WNT2B: variants seen among roughly 807,000 people sequenced by gnomAD.
The protein encoded by WNT2B is Wnt family member 2B.
Under a neutral mutation model 40.5 loss-of-function variants are expected in WNT2B, and 19 were observed. The ratio of observed to expected loss-of-function variants is 0.47; its 90% CI spans 0.33 to 0.69. WNT2B has a LOEUF of 0.69. Among genes scored for constraint, WNT2B ranks in the 30% least tolerant of loss-of-function variants. The pLI is 0.02. For missense variants in WNT2B, 467 were observed against 556.4 expected (o/e 0.84, Z 1.62); for synonymous variants, 220 against 211.9 (o/e 1.04, Z -0.33).
upstream of WNT2B, among the ~76,000 whole-genome samples, chr1:112,507,317 G>T (rs1652137989): frequency 6.6e-6 from 1 of 152,156 alleles, no homozygotes; most frequent in Admixed American, 6.5e-5. Flanking sequence ...CTCCATGAGG[G>T]CATAGACTGT....
At chr1:112,492,667 C>T (rs1213982284) in intron 1 of WNT2B, among the ~76,000 whole-genome samples, 6 of 152,168 alleles carry the variant, frequency 3.9e-5, no homozygotes, top group Non-Finnish European at 7.3e-5. Context: ...TTGCCAGAAC[C>T]TAAGCTTTTA....
At chr1:112,513,403 T>G (rs2101086814) in intron 1 of WNT2B, among the ~76,000 whole-genome samples, 1 of 152,340 alleles carries the variant, frequency 6.6e-6, no homozygotes, top group Admixed American at 6.5e-5. Context: ...GCCAGCCCTC[T>G]CACCCCTTCC....
intron 1 of WNT2B, among the ~76,000 whole-genome samples, chr1:112,490,552 G>C (rs563443226): frequency 6.6e-6 from 1 of 150,856 alleles, no homozygotes; most frequent in African/African-American, 2.4e-5. Flanking sequence ...TGCAGAGGCA[G>C]GATCTCAGCT....
intron 1 of WNT2B, among the ~76,000 whole-genome samples, chr1:112,499,930 T>C (rs1651896837): frequency 6.6e-6 from 1 of 152,148 alleles, no homozygotes; most frequent in African/African-American, 2.4e-5. Flanking sequence ...GAGTACAGTG[T>C]CTTGATCATT....
rs570652644 is a variant in WNT2B at position 112,500,031 on chromosome 1, G to A, written c.-94-14843G>A. Among the ~76,000 whole-genome samples, 8 of 152,330 alleles carry A rather than the reference G, an allele frequency of 5.3e-5. No individual in the cohort carries two copies. The South Asian group carries it at 8.3e-4, about 16-fold the overall frequency. On this transcript the variant is annotated intron_variant, in intron 1 of 4. Coordinates refer to the WNT2B transcript ENST00000256640. Reference sequence around the variant, plus strand: ...AAGGGTAGATGGTTGGGAAAAAAGCGAGGGTATGACGACAGGCATAATCAG... The same window carrying A: ...AAGGGTAGATGGTTGGGAAAAAAGCAAGGGTATGACGACAGGCATAATCAG...
intron 1 of WNT2B, among the ~76,000 whole-genome samples, chr1:112,501,952 C>G (rs1386178341): frequency 6.6e-6 from 1 of 152,256 alleles, no homozygotes; most frequent in South Asian, 2.1e-4. Context: ...CCCAAGAAGA[C>G]GAAGCTCAGG....
intron 4 of WNT2B, among the ~76,000 whole-genome samples, chr1:112,519,267 GTATAT>G (rs1320459660): frequency 6.6e-6 from 1 of 152,154 alleles, no homozygotes; most frequent in Non-Finnish European, 1.5e-5. Context: ...ATATGAATAT[GTATAT>G]TATAAAACGT....
rs765762096 is a variant in WNT2B at position 112,515,103 on chromosome 1, C to T, written c.403+9C>T. 7 of 1,612,162 alleles carry T rather than the reference C, an allele frequency of 4.3e-6. No homozygotes were observed. Among genetic ancestry groups the T allele is most frequent in the African/African-American group, 2.7e-5 (2 of 74,902 alleles). On this transcript the variant is annotated intron_variant, in intron 2 of 4. Coordinates refer to ENST00000369684, the MANE Select transcript of WNT2B (RefSeq NM_024494.3). This position sits in a 1 kb window ranked among gnomAD's most constrained non-coding sequence, Gnocchi z 4.4. ...CCGTGTCATGCTCAGAAGTAAGAGCCTCTTCCATCCTGTGTCAGCTCCTTC... is the reference window on the plus strand; with the variant it reads ...CCGTGTCATGCTCAGAAGTAAGAGCTTCTTCCATCCTGTGTCAGCTCCTTC...
chr1:112,473,327 A>G (rs1650950197), intron 1 of WNT2B, among the ~76,000 whole-genome samples: 2 of 152,244 alleles, frequency 1.3e-5, no homozygotes, highest in African/African-American at 4.8e-5. Context: ...TAAAATAGCT[A>G]TTATAACTGT....
chr1:112,497,783 T>G (rs2780260), intron 1 of WNT2B, among the ~76,000 whole-genome samples: 2,007 of 152,324 alleles, frequency 0.013, 51 homozygotes, highest in African/African-American at 0.046. Flanking sequence ...CTTCTCTTTT[T>G]TATTAAGAAA....
chr1:112,491,637 G>C (rs1651608422), intron 1 of WNT2B, among the ~76,000 whole-genome samples: 1 of 152,168 alleles, frequency 6.6e-6, no homozygotes, highest in South Asian at 2.1e-4. Context: ...TGTAATCCCA[G>C]CACTTTGGGA....
intron 1 of WNT2B, among the ~76,000 whole-genome samples, chr1:112,478,456 G>A (rs1651118109): frequency 6.6e-6 from 1 of 152,042 alleles, no homozygotes; most frequent in Non-Finnish European, 1.5e-5. Flanking sequence ...AATTTTGAAA[G>A]CAGTAAGAGA....
At position 112,528,158 on chromosome 1, in the gene WNT2B, TA is replaced by T. The variant is rs1378079120; in HGVS notation, c.*7653del. 6.6e-6 allele frequency: 1 copy of T among 152,168 alleles called. No individual in the cohort carries two copies. Among genetic ancestry groups the T allele is most frequent in the Non-Finnish European group, 1.5e-5 (1 of 68,028 alleles). 9.4% of individuals were successfully genotyped at this position (152,168 alleles called of 1,614,324 possible). A position where few individuals can be genotyped will look rare whatever the true frequency, so the allele number is the denominator to read the frequency against. ...GGAGGTGACTTTTGAGTTGAATTTT[TA>T]AAAGATAGCTTTATGTGTTTTATGA... On this transcript the variant is annotated 3_prime_UTR_variant, in exon 5 of 5. Coordinates refer to ENST00000369684, the MANE Select transcript of WNT2B (RefSeq NM_024494.3).
chr1:112,484,272 CATATATATATAT>C (rs60819225), intron 1 of WNT2B, among the ~76,000 whole-genome samples: 1 of 123,278 alleles, frequency 8.1e-6, no homozygotes, highest in African/African-American at 3.3e-5. Flanking sequence ...TATATATACA[CATATATATATAT>C]ATATATACAC....
At chr1:112,494,492 T>G (rs1490726764) in intron 1 of WNT2B, among the ~76,000 whole-genome samples, 2 of 151,418 alleles carry the variant, frequency 1.3e-5, no homozygotes, top group Non-Finnish European at 2.9e-5. Context: ...CCTCAGCTTC[T>G]GAGTAGCTAG....
At chr1:112,475,181 G>T (rs2101051073) in intron 1 of WNT2B, among the ~76,000 whole-genome samples, 1 of 152,040 alleles carries the variant, frequency 6.6e-6, no homozygotes, top group Non-Finnish European at 1.5e-5. Context: ...GTTCATTATT[G>T]GGTGTGCTAT....
At chr1:112,485,180 T>A (rs1759695) in intron 1 of WNT2B, among the ~76,000 whole-genome samples, 126,205 of 152,272 alleles carry the variant, frequency 0.83, 52,393 homozygotes, top group South Asian at 0.87. Flanking sequence ...TCGTCAGGCC[T>A]GGGGGCATGA....
At chr1:112,479,638 A>C (rs1158095159) in intron 1 of WNT2B, among the ~76,000 whole-genome samples, 1 of 152,150 alleles carries the variant, frequency 6.6e-6, no homozygotes, top group Non-Finnish European at 1.5e-5. Context: ...CAAGATCACA[A>C]AGTGTGCAGG....
rs1291624318 is a variant in WNT2B, at chr1:112,509,253, T to C, written c.-10T>C. 1.3e-5 allele frequency: 19 copies of C among 1,513,368 alleles called. No homozygotes were observed. Among genetic ancestry groups the C allele is most frequent in the Non-Finnish European group, 1.7e-5 (19 of 1,137,418 alleles). The allele number at this position is 1,513,368 out of a possible 1,614,324, so 93.7% of individuals were successfully genotyped here. ...CCTCCGGGCTGCGCGGCGGGAGTCT[T>C]CGGGGAGCTATGCTGAGACCGGGTG... On this transcript the variant is annotated 5_prime_UTR_variant, in exon 1 of 5. Coordinates refer to ENST00000369684, the MANE Select transcript of WNT2B (RefSeq NM_024494.3). The surrounding 1 kb of genome is among the most constrained non-coding windows in gnomAD (Gnocchi z 4.2).
Sources: gnomAD v4.1 joint callset for allele counts (sites outside exome capture counted in the v4.1 genomes callset) on GRCh38, gnomAD v4.1.1 for gene constraint, Gnocchi (gnomAD v3.1) non-coding constraint, MANE v1.5 for transcripts, NCBI Gene and HGNC (gene_info 2026-07-23, HGNC 2026-07-21) for gene names.